Variants in SRGAP2 observed in about 807,000 individuals in gnomAD.
The protein encoded by SRGAP2 is SLIT-ROBO Rho GTPase activating protein 2.
SRGAP2 carries 15 observed loss-of-function variants against 57.2 expected under a neutral mutation model. The observed-to-expected ratio is 0.26, with a 90% confidence interval of 0.18 to 0.40. The LOEUF (loss-of-function observed/expected upper bound fraction) is 0.40. Ranked by LOEUF, SRGAP2 falls within the 10% of genes least tolerant of loss-of-function variation. The pLI is 1.00. For missense variants in SRGAP2, 520 were observed against 669.6 expected (o/e 0.78, Z 2.47); for synonymous variants, 249 against 248.0 (o/e 1.00, Z -0.04).
chr1:206,458,968 A>C (rs1664054981), intron 22 of SRGAP2, 21 bp downstream of exon 22: 1 of 731,626 alleles, frequency 1.4e-6, no homozygotes, highest in African/African-American at 1.7e-5. Context: ...GCTCCTGGAC[A>C]GACAGCATGA....
intron 4 of SRGAP2, among the ~76,000 whole-genome samples, chr1:206,383,573 G>A (rs1655911021): frequency 6.6e-6 from 1 of 151,982 alleles, no homozygotes; most frequent in Non-Finnish European, 1.5e-5. Context: ...TATTTAGTTA[G>A]GGACTTTGAA....
intron 13 of SRGAP2, among the ~76,000 whole-genome samples, chr1:206,423,673 A>T (rs1308147283): frequency 3.9e-5 from 6 of 152,330 alleles, no homozygotes; most frequent in African/African-American, 1.2e-4. Flanking sequence ...ATGAAAATTA[A>T]CAAATGTAGT....
intron 21 of SRGAP2, chr1:206,455,281 G>A: frequency 1.9e-6 from 1 of 524,842 alleles, no homozygotes; most frequent in South Asian, 2.1e-5. Flanking sequence ...TTCCCGCAGT[G>A]TCTGTCCACC....
intron 4 of SRGAP2, among the ~76,000 whole-genome samples, chr1:206,346,890 A>T (rs1675670959): frequency 6.6e-6 from 1 of 152,214 alleles, no homozygotes; most frequent in Non-Finnish European, 1.5e-5. Flanking sequence ...CCATAATTTT[A>T]TAAAGTAGTT....
intron 5 of SRGAP2, among the ~76,000 whole-genome samples, chr1:206,385,439 GAT>G (rs1464745172): frequency 6.8e-6 from 1 of 147,716 alleles, no homozygotes; most frequent in Non-Finnish European, 1.5e-5. Context: ...AATTCCCTAA[GAT>G]AGAAAATGAC....
chr1:206,346,140 T>A (rs1309483076), intron 4 of SRGAP2, among the ~76,000 whole-genome samples: 1 of 152,006 alleles, frequency 6.6e-6, no homozygotes, highest in Admixed American at 6.5e-5. Context: ...ATTCTGTAGT[T>A]ACATGAATCT....
chr1:206,267,328 C>T (rs1176241749), intron 2 of SRGAP2, among the ~76,000 whole-genome samples: 27 of 151,802 alleles, frequency 1.8e-4, no homozygotes, highest in African/African-American at 3.6e-4. Flanking sequence ...GAGAGTGGGC[C>T]GTGGCAAATA....
intron 1 of SRGAP2, chr1:206,204,908 C>CG (rs1553300677): frequency 4.6e-5 from 3 of 65,526 alleles, no homozygotes; most frequent in African/African-American, 3.4e-4. Context: ...TGCAGATTTG[C>CG]CCCCCCCCCC....
intron 11 of SRGAP2, among the ~76,000 whole-genome samples, chr1:206,416,528 T>A (rs10494875): frequency 0.096 from 14,667 of 152,198 alleles, 1,557 homozygotes; most frequent in African/African-American, 0.26. Context: ...TGCTGAGGCC[T>A]TGGTGCTGAA....
chr1:206,391,245 C>G (rs541287213), intron 5 of SRGAP2, among the ~76,000 whole-genome samples: 185 of 142,978 alleles, frequency 1.3e-3, no homozygotes, highest in African/African-American at 4.7e-3. Flanking sequence ...ATACATGGAA[C>G]CAGTTTCTCT....
intron 2 of SRGAP2, among the ~76,000 whole-genome samples, chr1:206,290,811 G>T (rs1274711969): frequency 0.63 from 95,587 of 150,682 alleles, 32,789 homozygotes; most frequent in African/African-American, 0.91. Context: ...CATAGAGAGA[G>T]AAGTAATTTG....
intron 4 of SRGAP2, among the ~76,000 whole-genome samples, chr1:206,349,585 G>T (rs1675892923): frequency 7.0e-6 from 1 of 141,940 alleles, no homozygotes; most frequent in African/African-American, 2.6e-5. Context: ...GTAATACTTT[G>T]CAGATATGAC....
chr1:206,411,144 G>A (rs1454022979), intron 10 of SRGAP2, among the ~76,000 whole-genome samples: 9 of 152,264 alleles, frequency 5.9e-5, no homozygotes, highest in African/African-American at 2.2e-4. Context: ...ACAGGCGTGA[G>A]CCACCATGCC....
At chr1:206,365,095 A>AGCTTT (rs1553341347) in intron 4 of SRGAP2, among the ~76,000 whole-genome samples, 2 of 128,460 alleles carry the variant, frequency 1.6e-5, no homozygotes, top group Non-Finnish European at 3.3e-5. Flanking sequence ...TTTGCACTAT[A>AGCTTT]GCTTTGTGAG....
chr1:206,374,386 G>A (rs1188788799), intron 4 of SRGAP2, among the ~76,000 whole-genome samples: 17 of 137,950 alleles, frequency 1.2e-4, no homozygotes, highest in African/African-American at 1.7e-4. Context: ...AGGAAAAATC[G>A]AAGAGCTTAG....
chr1:206,362,839 C>T (rs1221305637), intron 4 of SRGAP2, among the ~76,000 whole-genome samples: 1 of 151,978 alleles, frequency 6.6e-6, no homozygotes, highest in Non-Finnish European at 1.5e-5. Flanking sequence ...AGTTCTGACT[C>T]TCTGGGGCAG....
rs1572210225 is a variant in SRGAP2, at chr1:206,458,739, C to T, written c.2624C>T (p.Pro875Leu). The change falls in exon 22 of 23, where the codon CCA becomes CTA. Residue 875 changes from proline to leucine, a missense_variant. By Grantham distance (98) the Pro-to-Leu change is moderately conservative. Transcript: ENST00000573034. ...CCAGGGGTGGGGGCTAGCTGCCGCC[C>T]ATCCTCCCAGCCCATCATGAGCCAG... is the stretch of plus-strand genomic sequence containing the variant. ...SSPGVGASCR[P>L]SSQPIMSQSL... is the part of the protein sequence containing the mutation. 1.3e-6 allele frequency: 1 copy of T among 780,726 alleles called. No individual in the cohort carries two copies. Among genetic ancestry groups the T allele is most frequent in the East Asian group, 2.4e-5 (1 of 41,236 alleles). 48.4% of individuals were successfully genotyped at this position (780,726 alleles called of 1,614,324 possible). A position where few individuals can be genotyped will look rare whatever the true frequency, so the allele number is the denominator to read the frequency against.
chr1:206,306,800 T>A (rs1273870461), intron 3 of SRGAP2, among the ~76,000 whole-genome samples: 5 of 152,222 alleles, frequency 3.3e-5, no homozygotes, highest in Non-Finnish European at 7.3e-5. Flanking sequence ...ATTGGTGCAT[T>A]CACAAACCTT....
intron 4 of SRGAP2, among the ~76,000 whole-genome samples, chr1:206,377,398 C>T (rs1655304282): frequency 6.6e-6 from 1 of 150,812 alleles, no homozygotes; most frequent in Non-Finnish European, 1.5e-5. Flanking sequence ...ATCATTATAA[C>T]CTGAAATATC....
Sources: gnomAD v4.1 joint callset for allele counts (sites outside exome capture counted in the v4.1 genomes callset) on GRCh38, gnomAD v4.1.1 for gene constraint, MANE v1.5 for transcripts, NCBI Gene and HGNC (gene_info 2026-07-23, HGNC 2026-07-21) for gene names.